The following MGST1 variants were observed in gnomAD, a reference collection of about 807,000 sequenced individuals.
The protein encoded by MGST1 is glutathione S-transferase 12.
In MGST1, 5 loss-of-function variants were observed where a neutral mutation model predicts 8.9. The observed-to-expected ratio is 0.56, with a 90% CI of 0.29 to 1.19. The LOEUF is 1.19. Ranked by LOEUF, MGST1 falls within the 50% of genes most tolerant of loss-of-function variation. MGST1 has a pLI of 0.08. For missense variants in MGST1, 182 were observed against 187.4 expected (o/e 0.97, Z 0.17); for synonymous variants, 54 against 67.8 (o/e 0.80, Z 1.00).
rs1171463452 is a variant in MGST1 at position 16,497,553 on chromosome 12, T to C, written n.483-91975T>C. The stretch of plus-strand genomic sequence containing the variant: ...AAACAGATATTTCAATTTCTATAAA[T>C]TTCATTTCATATTTTATGTCTCAGT... On this transcript the variant is annotated intron_variant and non_coding_transcript_variant, in intron 4 of 4. Coordinates refer to the MGST1 transcript ENST00000538857. The surrounding 1 kb of genome is among the most constrained non-coding windows in gnomAD (Gnocchi z 4.4). Among the ~76,000 whole-genome samples, 2 of 152,136 alleles carry C rather than the reference T, an allele frequency of 1.3e-5. No individual in the cohort carries two copies. The highest frequency in any genetic ancestry group is 4.8e-5 in the African/African-American group (2 of 41,456).
downstream of MGST1, among the ~76,000 whole-genome samples, chr12:16,591,043 A>G (rs1340081148): frequency 6.6e-6 from 1 of 152,174 alleles, no homozygotes; most frequent in East Asian, 1.9e-4. The surrounding 1 kb of genome is among the most constrained non-coding windows in gnomAD (Gnocchi z 4.1). Flanking sequence ...GCCTCACTGA[A>G]TAAGCTTTAC....
chr12:16,545,504 A>T (rs1941818209), intron 4 of MGST1, among the ~76,000 whole-genome samples: 1 of 152,060 alleles, frequency 6.6e-6, no homozygotes, highest in South Asian at 2.1e-4. Flanking sequence ...TAACATACTC[A>T]TTCTGGAAGT....
In MGST1 at chr12:16,407,958, G is replaced by A. The variant is rs1350980292; in HGVS notation, n.778+24354G>A. Among the ~76,000 whole-genome samples the A allele has an allele frequency of 2.7e-5, 4 of 150,128 alleles. No homozygotes were observed. The East Asian group carries it at 8.0e-4, about 30-fold the overall frequency. ...GAGACAGGAGAATTGCTTGAACTCG[G>A]GAGGTGGAGGTTGCAGTGAGTCGAG... On this transcript the variant is annotated intron_variant and non_coding_transcript_variant, in intron 1 of 1. Coordinates refer to the MGST1 transcript ENST00000359720.
intron 2 of MGST1, among the ~76,000 whole-genome samples, chr12:16,356,859 T>G (rs1172074114): frequency 3.3e-5 from 5 of 152,236 alleles, no homozygotes; most frequent in Non-Finnish European, 5.9e-5. Context: ...TCTTTTATGC[T>G]TCTTGCCTGT....
At chr12:16,351,539 G>A in intron 1 of MGST1, among the ~76,000 whole-genome samples, 1 of 152,174 alleles carries the variant, frequency 6.6e-6, no homozygotes, top group East Asian at 1.9e-4. Flanking sequence ...GCCAGGCATG[G>A]TGGCTCATGC....
At chr12:16,454,849 A>G (rs1215141561) in intron 4 of MGST1, among the ~76,000 whole-genome samples, 1 of 145,588 alleles carries the variant, frequency 6.9e-6, no homozygotes, top group Non-Finnish European at 1.5e-5. Context: ...ATGTAAAAAA[A>G]TCATCAGTAA....
intron 4 of MGST1, among the ~76,000 whole-genome samples, chr12:16,557,201 GA>G (rs1379365428): frequency 2.6e-5 from 4 of 151,968 alleles, no homozygotes; most frequent in African/African-American, 7.2e-5. Context: ...TTTCTATGTA[GA>G]ACATGGATAA....
intron 1 of MGST1, among the ~76,000 whole-genome samples, chr12:16,391,498 A>G (rs1055268028): frequency 7.9e-5 from 12 of 151,928 alleles, no homozygotes; most frequent in African/African-American, 2.9e-4. Context: ...ACTTGAACTC[A>G]TTTTTTATGG....
intron 4 of MGST1, among the ~76,000 whole-genome samples, chr12:16,554,651 A>G (rs1375267292): frequency 6.6e-6 from 1 of 152,172 alleles, no homozygotes; most frequent in Non-Finnish European, 1.5e-5. Context: ...TAAGTCCACT[A>G]TATCTATTCA....
chr12:16,352,189 C>T lies in MGST1; in HGVS notation c.-22-2042C>T, dbSNP rs138424441. Among the ~76,000 whole-genome samples, 329 of 152,244 alleles carry T rather than the reference C, an allele frequency of 2.2e-3. 1 individual carries two copies. Among genetic ancestry groups the T allele is most frequent in the African/African-American group, 7.6e-3 (315 of 41,526 alleles). Reference sequence around the variant, plus strand: ...TAACAAAGGTGATGAAAGTAGTGTACATAATGTACATAGTATAGTTGAACA... The same window carrying T: ...TAACAAAGGTGATGAAAGTAGTGTATATAATGTACATAGTATAGTTGAACA... On this transcript the variant is annotated intron_variant, in intron 1 of 3. Coordinates refer to ENST00000396210, the MANE Select transcript of MGST1 (RefSeq NM_020300.5).
At position 16,410,348 on chromosome 12, in the gene MGST1, C is replaced by T. The variant is rs779626102; in HGVS notation, n.778+26744C>T. On this transcript the variant is annotated intron_variant and non_coding_transcript_variant, in intron 1 of 1. Transcript: ENST00000359720. The surrounding 1 kb of genome is among the most constrained non-coding windows in gnomAD (Gnocchi z 4.4). Reference sequence around the variant, plus strand: ...ATACCTCCTAAGCATCTCTGAAATACACTTAACTCTTCCTGTTTCTTCTTC... The same window carrying T: ...ATACCTCCTAAGCATCTCTGAAATATACTTAACTCTTCCTGTTTCTTCTTC... Among the ~76,000 whole-genome samples the T allele has an allele frequency of 1.5e-4, 23 of 152,138 alleles. 1 individual carries two copies. Among genetic ancestry groups the T allele is most frequent in the Middle Eastern group, 6.8e-3 (2 of 294 alleles).
chr12:16,388,210 A>G (rs1397464092), intron 1 of MGST1, among the ~76,000 whole-genome samples: 1 of 152,028 alleles, frequency 6.6e-6, no homozygotes. Flanking sequence ...ACTGTAGGCA[A>G]TTGTAACACA....
intron 4 of MGST1, chr12:16,550,920 C>CA: frequency 4.0e-6 from 1 of 249,744 alleles, no homozygotes; most frequent in South Asian, 1.1e-4. Flanking sequence ...TCAAATATTA[C>CA]AATACATTAT....
intron 4 of MGST1, among the ~76,000 whole-genome samples, chr12:16,466,893 A>G (rs930263554): frequency 6.6e-6 from 1 of 152,044 alleles, no homozygotes; most frequent in East Asian, 1.9e-4. Context: ...TGTTGCACTG[A>G]TAACTATCAC....
intron 3 of MGST1, among the ~76,000 whole-genome samples, chr12:16,374,576 A>G (rs558258379): frequency 6.6e-6 from 1 of 152,298 alleles, no homozygotes; most frequent in South Asian, 2.1e-4. Context: ...GAAAAATGTC[A>G]TAGATTACTA....
rs1397020220 is a variant in MGST1, at chr12:16,422,422, A to G, written n.779-14966A>G. Among the ~76,000 whole-genome samples, 5 of 152,028 alleles carry G rather than the reference A, an allele frequency of 3.3e-5. No homozygotes were observed. In the East Asian group the frequency reaches 9.7e-4, roughly 29 times the overall value. ...TTTCAGCTGGTATCACACATAACAA[A>G]ATGGCCTATTTTCAGCATGTGCCAC... is the stretch of plus-strand genomic sequence containing the variant. On this transcript the variant is annotated intron_variant and non_coding_transcript_variant, in intron 1 of 1. Coordinates refer to the MGST1 transcript ENST00000359720.
chr12:16,444,339 C>A (rs1941063197), intron 4 of MGST1, among the ~76,000 whole-genome samples: 1 of 151,816 alleles, frequency 6.6e-6, no homozygotes, highest in South Asian at 2.1e-4. Context: ...TGTCTCTGAT[C>A]TTCCAATCCA....
intron 1 of MGST1, among the ~76,000 whole-genome samples, chr12:16,350,034 G>A (rs1325282364): frequency 3.9e-5 from 6 of 152,096 alleles, no homozygotes; most frequent in African/African-American, 1.4e-4. Context: ...ATGAGCCACC[G>A]CGCTCGGCCC....
chr12:16,428,826 T>G (rs1324369451), intron 1 of MGST1, among the ~76,000 whole-genome samples: 1 of 152,110 alleles, frequency 6.6e-6, no homozygotes, highest in Non-Finnish European at 1.5e-5. Context: ...TTGCTCCTAA[T>G]AATTTCTTAA....
Sources: gnomAD v4.1 joint callset for allele counts (sites outside exome capture counted in the v4.1 genomes callset) on GRCh38, gnomAD v4.1.1 for gene constraint, Gnocchi (gnomAD v3.1) non-coding constraint, MANE v1.5 for transcripts, NCBI Gene and HGNC (gene_info 2026-07-23, HGNC 2026-07-21) for gene names.